RPRD1A: variants seen among roughly 807,000 people sequenced by gnomAD.
RPRD1A encodes regulation of nuclear pre-mRNA domain-containing protein 1A.
In RPRD1A, 9 loss-of-function variants were observed where a neutral mutation model predicts 37.8. The ratio of observed to expected loss-of-function variants is 0.24; its 90% CI spans 0.14 to 0.42. The LOEUF (loss-of-function observed/expected upper bound fraction) is 0.42. RPRD1A is among the 10% of genes least tolerant of loss of function. RPRD1A has a pLI of 1.00. For missense variants in RPRD1A, 255 were observed against 371.0 expected (o/e 0.69, Z 2.57); for synonymous variants, 138 against 139.7 (o/e 0.99, Z 0.08).
At chr18:36,030,551 T>C (rs1911703087) in intron 4 of RPRD1A, among the ~76,000 whole-genome samples, 4 of 152,042 alleles carry the variant, frequency 2.6e-5, no homozygotes, top group African/African-American at 9.7e-5. Context: ...ATAGCTAACA[T>C]CTCACATCTA....
chr18:36,021,131 G>T (rs1399158842), intron 6 of RPRD1A, among the ~76,000 whole-genome samples: 3 of 152,122 alleles, frequency 2.0e-5, no homozygotes, highest in Non-Finnish European at 4.4e-5. Context: ...ATGCTTCTTT[G>T]AAACATCCAC....
At chr18:36,029,079 C>A (rs1402434641) in intron 4 of RPRD1A, among the ~76,000 whole-genome samples, 3 of 152,116 alleles carry the variant, frequency 2.0e-5, no homozygotes, top group Non-Finnish European at 4.4e-5. Flanking sequence ...TTTGGTTGTT[C>A]CAAATGTAAC....
chr18:36,031,285 C>A (rs537059636), intron 2 of RPRD1A, among the ~76,000 whole-genome samples, 188 bp from the exon 3 acceptor site: 1 of 152,230 alleles, frequency 6.6e-6, no homozygotes, highest in South Asian at 2.1e-4. Flanking sequence ...ACACTGCTTG[C>A]TTCTAGTAAA....
chr18:36,029,742 CACAGAATTACATAGTTCTAT>C (rs1049215018), intron 4 of RPRD1A, among the ~76,000 whole-genome samples: 18 of 151,648 alleles, frequency 1.2e-4, no homozygotes, highest in Admixed American at 1.2e-3. Flanking sequence ...CTTATTTTTC[CACAGAATTACATAGTTCTAT>C]ATAGTTACAA....
At chr18:36,026,127 A>C (rs1245673615) in intron 6 of RPRD1A, 1 of 155,272 alleles carries the variant, frequency 6.4e-6, no homozygotes, top group African/African-American at 2.4e-5. Context: ...AAATAACTTA[A>C]TGGGGTAGTA....
At chr18:36,046,778 T>G (rs1188305208) in intron 1 of RPRD1A, among the ~76,000 whole-genome samples, 10 of 149,012 alleles carry the variant, frequency 6.7e-5, no homozygotes, top group African/African-American at 2.0e-4. Flanking sequence ...AAGGCTGCAG[T>G]GAGCCACGAT....
chr18:36,008,089 C>CTCTAGA (rs941814891), intron 6 of RPRD1A, among the ~76,000 whole-genome samples: 1 of 151,732 alleles, frequency 6.6e-6, no homozygotes, highest in African/African-American at 2.4e-5. Flanking sequence ...AAATACAAAT[C>CTCTAGA]AAAACAAAAA....
chr18:36,011,595 T>G (rs1389620260), intron 6 of RPRD1A, among the ~76,000 whole-genome samples: 1 of 152,032 alleles, frequency 6.6e-6, no homozygotes, highest in Admixed American at 6.6e-5. Flanking sequence ...ATACATATAT[T>G]TTAAAAACTA....
rs187748776 is a variant in RPRD1A at position 36,067,063 on chromosome 18, C to G, written c.151+191G>C. ...GAGTTTTCTTTTTTAATTATTCATT[C>G]CTTTATTCAATAAATATCTAAGCCC... On this transcript the variant is annotated intron_variant, in intron 1 of 6. Coordinates refer to ENST00000399022, the MANE Select transcript of RPRD1A (RefSeq NM_018170.5). Among the ~76,000 whole-genome samples, 268 of 152,344 alleles carry G rather than the reference C, an allele frequency of 1.8e-3. 3 individuals are homozygous for G. The highest frequency in any genetic ancestry group is 3.4e-3 in the Middle Eastern group (1 of 294).
At position 36,067,463 on chromosome 18, in the gene RPRD1A, G is replaced by T; in HGVS notation, c.-59C>A. On this transcript the variant is annotated 5_prime_UTR_variant, in exon 1 of 7. Transcript: ENST00000399022. ...GTGGGGCCGAGGGGAGGAGAGTTTCGCCGCCCTAGCTGCGGCCTCGCCCCC... is the reference window on the plus strand; with the variant it reads ...GTGGGGCCGAGGGGAGGAGAGTTTCTCCGCCCTAGCTGCGGCCTCGCCCCC... 1 of 1,534,706 alleles carries T rather than the reference G, an allele frequency of 6.5e-7. No homozygotes were observed. Among genetic ancestry groups the T allele is most frequent in the Non-Finnish European group, 8.8e-7 (1 of 1,132,544 alleles).
At chr18:36,008,588 T>TATA (rs1304683314) in intron 6 of RPRD1A, among the ~76,000 whole-genome samples, 1 of 134,660 alleles carries the variant, frequency 7.4e-6, no homozygotes, top group African/African-American at 2.9e-5. Context: ...TATATATATA[T>TATA]ATCTTTAAAA....
chr18:36,035,742 A>T (rs896481066), intron 1 of RPRD1A, among the ~76,000 whole-genome samples: 1 of 152,238 alleles, frequency 6.6e-6, no homozygotes. Flanking sequence ...TATATTCAAT[A>T]AAGTATTATT....
chr18:36,017,210 T>A (rs1910649119), intron 6 of RPRD1A, among the ~76,000 whole-genome samples: 1 of 152,074 alleles, frequency 6.6e-6, no homozygotes, highest in Non-Finnish European at 1.5e-5. Context: ...CTCGGGAGGC[T>A]GATCACCTGA....
intron 1 of RPRD1A, among the ~76,000 whole-genome samples, chr18:36,048,939 T>C (rs535262729): frequency 2.6e-4 from 40 of 152,326 alleles, no homozygotes; most frequent in Admixed American, 7.2e-4. Context: ...AAGAGCTGAA[T>C]TGCACAGGCT....
At chr18:36,005,043 T>C (rs1477067823) in intron 6 of RPRD1A, among the ~76,000 whole-genome samples, 2 of 152,276 alleles carry the variant, frequency 1.3e-5, no homozygotes, top group Non-Finnish European at 2.9e-5. Context: ...GGCTCACGCC[T>C]GTAATCCCAG....
At chr18:36,015,825 G>T (rs999960811) in intron 6 of RPRD1A, among the ~76,000 whole-genome samples, 1 of 152,188 alleles carries the variant, frequency 6.6e-6, no homozygotes, top group African/African-American at 2.4e-5. Context: ...ATGAGAAATT[G>T]TTGAATGGGT....
intron 6 of RPRD1A, among the ~76,000 whole-genome samples, chr18:36,024,419 G>A (rs1290002764): frequency 6.6e-6 from 1 of 151,186 alleles, no homozygotes; most frequent in Non-Finnish European, 1.5e-5. Context: ...GCTTCCCAAA[G>A]TGCTGAGATT....
At position 36,030,792 on chromosome 18, in the gene RPRD1A, A is replaced by G. The variant is rs759819825; in HGVS notation, c.486+16T>C. ...AGTAAAAGTTTGTAACTCTTTTAAC[A>G]GGGTAAAATTTCTACCTGTGGTGGT... On this transcript the variant is annotated intron_variant, in intron 4 of 6. Transcript: ENST00000399022. 1.3e-6 allele frequency: 2 copies of G among 1,504,726 alleles called. No homozygotes were observed. Among genetic ancestry groups the G allele is most frequent in the African/African-American group, 2.8e-5 (2 of 71,890 alleles). 93.2% of individuals were successfully genotyped at this position (1,504,726 alleles called of 1,614,324 possible). A position where few individuals can be genotyped will look rare whatever the true frequency, so the allele number is the denominator to read the frequency against.
intron 6 of RPRD1A, among the ~76,000 whole-genome samples, chr18:36,000,435 A>C (rs887802587): frequency 3.3e-5 from 5 of 152,230 alleles, no homozygotes; most frequent in Non-Finnish European, 7.3e-5. Context: ...TTCTCTTAAG[A>C]AATCCACTAT....
Sources: gnomAD v4.1 joint callset for allele counts (sites outside exome capture counted in the v4.1 genomes callset) on GRCh38, gnomAD v4.1.1 for gene constraint, MANE v1.5 for transcripts, NCBI Gene and HGNC (gene_info 2026-07-23, HGNC 2026-07-21) for gene names.